Variants in NXPH1 observed in about 807,000 individuals in gnomAD.
NXPH1 encodes the protein neurexophilin-1.
Under a neutral mutation model 23.7 loss-of-function variants are expected in NXPH1, and 5 were observed. The observed-to-expected ratio is 0.21, with a 90% CI of 0.11 to 0.44. NXPH1 has a LOEUF of 0.44. NXPH1 is among the 20% of genes least tolerant of loss of function. The probability of loss-of-function intolerance (pLI) is 0.99; values close to 1 mark genes in which losing one functional copy is unlikely to be tolerated. For missense variants in NXPH1, 324 were observed against 321.6 expected (o/e 1.01, Z -0.06); for synonymous variants, 144 against 122.2 (o/e 1.18, Z -1.18).
chr7:8,499,293 C>T (rs1305496336), intron 2 of NXPH1, among the ~76,000 whole-genome samples: 1 of 152,008 alleles, frequency 6.6e-6, no homozygotes, highest in African/African-American at 2.4e-5. Flanking sequence ...GACAGAATGC[C>T]CAGGTGACCC....
chr7:8,596,435 T>A (rs1294557842), intron 2 of NXPH1, among the ~76,000 whole-genome samples: 1 of 152,096 alleles, frequency 6.6e-6, no homozygotes, highest in Non-Finnish European at 1.5e-5. Context: ...GCCCACAAAA[T>A]CTAACATCAA....
intron 2 of NXPH1, among the ~76,000 whole-genome samples, chr7:8,660,526 T>C (rs1289279958): frequency 2.6e-5 from 4 of 152,182 alleles, no homozygotes; most frequent in Admixed American, 2.6e-4. Context: ...AATGCCAAAC[T>C]TGTTGAAGTT....
chr7:8,711,077 T>A (rs1356346670), intron 2 of NXPH1, among the ~76,000 whole-genome samples: 1 of 152,240 alleles, frequency 6.6e-6, no homozygotes, highest in Admixed American at 6.5e-5. Context: ...TATGGCAACA[T>A]AACTTTCAAG....
intron 2 of NXPH1, among the ~76,000 whole-genome samples, chr7:8,443,886 A>C (rs899388456): frequency 3.3e-5 from 5 of 152,072 alleles, no homozygotes; most frequent in African/African-American, 1.2e-4. Context: ...CGCCCCCTAC[A>C]AACACTCATT....
At chr7:8,647,599 A>G (rs1045410101) in intron 2 of NXPH1, among the ~76,000 whole-genome samples, 1 of 151,982 alleles carries the variant, frequency 6.6e-6, no homozygotes, top group Non-Finnish European at 1.5e-5. Flanking sequence ...TGGTTTTTAT[A>G]TCTCTAAATG....
chr7:8,463,095 T>G (rs1280042747), intron 2 of NXPH1, among the ~76,000 whole-genome samples: 1 of 152,178 alleles, frequency 6.6e-6, no homozygotes, highest in African/African-American at 2.4e-5. Context: ...ACAAATATAA[T>G]TCATAAGTTT....
rs764053301 is a variant in NXPH1, at chr7:8,668,915, C to T, written c.55-82093C>T. ...ACCCTGGGTATGCTGAAGCCAGATT[C>T]GACTCTGGATCCAACTGGAGCATGG... is the stretch of plus-strand genomic sequence containing the variant. On this transcript the variant is annotated intron_variant, in intron 2 of 2. Transcript: ENST00000405863. Among the ~76,000 whole-genome samples the T allele has an allele frequency of 4.6e-5, 7 of 151,466 alleles. No homozygotes were observed. The East Asian group carries it at 7.9e-4, about 17-fold the overall frequency.
chr7:8,463,479 C>A (rs1182778412), intron 2 of NXPH1, among the ~76,000 whole-genome samples: 1 of 152,008 alleles, frequency 6.6e-6, no homozygotes, highest in Non-Finnish European at 1.5e-5. Flanking sequence ...AGTGAACTTG[C>A]TGGGTCAAGG....
intron 2 of NXPH1, among the ~76,000 whole-genome samples, chr7:8,726,896 C>A (rs1237362996): frequency 6.6e-6 from 1 of 151,936 alleles, no homozygotes; most frequent in Non-Finnish European, 1.5e-5. Context: ...TTCTAGATCC[C>A]TGAGGAATCG....
intron 2 of NXPH1, among the ~76,000 whole-genome samples, chr7:8,513,303 G>A (rs58915473): frequency 0.017 from 2,556 of 152,072 alleles, 63 homozygotes; most frequent in African/African-American, 0.056. Context: ...GAATAGAATA[G>A]GTTCTCAGTC....
rs140592892 is a variant in NXPH1 at position 8,703,862 on chromosome 7, C to T, written c.55-47146C>T. Among the ~76,000 whole-genome samples the T allele has an allele frequency of 1.8e-4, 27 of 152,204 alleles. No homozygotes were observed. The East Asian group carries it at 5.0e-3, about 28-fold the overall frequency. The stretch of plus-strand genomic sequence containing the variant: ...ACCCTCCCTTTGTTCAATTATTTCA[C>T]CTGGGGAACTTGCAGTACAAAGGGA... On this transcript the variant is annotated intron_variant, in intron 2 of 2. Transcript: ENST00000405863.
At chr7:8,456,203 A>G (rs1292372449) in intron 2 of NXPH1, among the ~76,000 whole-genome samples, 1 of 152,152 alleles carries the variant, frequency 6.6e-6, no homozygotes, top group Non-Finnish European at 1.5e-5. Context: ...CATCTACATA[A>G]AGTTAAAGTC....
At chr7:8,664,513 T>TA (rs1213926636) in intron 2 of NXPH1, among the ~76,000 whole-genome samples, 2 of 152,162 alleles carry the variant, frequency 1.3e-5, no homozygotes, top group African/African-American at 4.8e-5. Context: ...TACAAAGATA[T>TA]AAAAAAAGAA....
intron 2 of NXPH1, among the ~76,000 whole-genome samples, chr7:8,600,385 T>C (rs573084125): frequency 6.6e-6 from 1 of 152,354 alleles, no homozygotes; most frequent in African/African-American, 2.4e-5. Flanking sequence ...CACTGGCTTC[T>C]GGTGGTATTG....
chr7:8,531,158 A>T (rs1303899795), intron 2 of NXPH1, among the ~76,000 whole-genome samples: 1 of 152,154 alleles, frequency 6.6e-6, no homozygotes, highest in East Asian at 1.9e-4. Flanking sequence ...CTGCCAGCCT[A>T]TTAAGCCATG....
At chr7:8,566,282 C>T (rs1242323891) in intron 2 of NXPH1, among the ~76,000 whole-genome samples, 2 of 151,744 alleles carry the variant, frequency 1.3e-5, no homozygotes, top group Non-Finnish European at 2.9e-5. Context: ...TTTTGGAGGA[C>T]CATGAAATTG....
At chr7:8,562,514 T>A (rs991329226) in intron 2 of NXPH1, among the ~76,000 whole-genome samples, 1 of 118,068 alleles carries the variant, frequency 8.5e-6, no homozygotes, top group Non-Finnish European at 1.8e-5. Flanking sequence ...ATGAAATGAG[T>A]TTTTTTTTTT....
chr7:8,460,581 CTT>C (rs1397647544), intron 2 of NXPH1, among the ~76,000 whole-genome samples: 4 of 152,150 alleles, frequency 2.6e-5, no homozygotes, highest in Non-Finnish European at 5.9e-5. Context: ...AGAAGGCTAT[CTT>C]TTACATTTTG....
At chr7:8,613,162 T>C (rs1301110859) in intron 2 of NXPH1, among the ~76,000 whole-genome samples, 1 of 151,970 alleles carries the variant, frequency 6.6e-6, no homozygotes, top group Non-Finnish European at 1.5e-5. Flanking sequence ...GAGGGTTTTT[T>C]TTTCAATCAT....
Sources: allele counts gnomAD v4.1 joint callset (sites outside exome capture counted in the v4.1 genomes callset), GRCh38; gene constraint gnomAD v4.1.1; transcripts MANE v1.5; gene names NCBI Gene and HGNC (gene_info 2026-07-23, HGNC 2026-07-21).